Variants in KALRN observed in about 807,000 individuals in gnomAD.
KALRN encodes the protein kalirin RhoGEF kinase.
Under a neutral mutation model 353.7 loss-of-function variants are expected in KALRN, and 70 were observed. The observed-to-expected ratio is 0.20, with a 90% confidence interval of 0.16 to 0.24. The LOEUF (loss-of-function observed/expected upper bound fraction) is 0.24, where lower values mean the gene tolerates loss of function less well. KALRN is among the 10% of genes least tolerant of loss of function. The probability of loss-of-function intolerance (pLI) is 1.00; values close to 1 mark genes in which losing one functional copy is unlikely to be tolerated. For synonymous variants in KALRN, 1,391 were observed against 1,434.8 expected (o/e 0.97, Z 0.69); for missense variants, 2,791 against 3,756.7 (o/e 0.74, Z 6.72).
chr3:124,141,493 C>T (rs1683360137), intron 1 of KALRN, among the ~76,000 whole-genome samples: 1 of 152,176 alleles, frequency 6.6e-6, no homozygotes, highest in Admixed American at 6.5e-5. Context: ...CCTGTCCTCC[C>T]CCTGAATCCT....
chr3:124,253,743 G>A (rs569168216), intron 3 of KALRN, among the ~76,000 whole-genome samples: 2 of 152,286 alleles, frequency 1.3e-5, no homozygotes, highest in South Asian at 4.1e-4. Context: ...CACAGCCCAA[G>A]CACTAGGGAT....
rs537368670 is a variant in KALRN at position 124,644,680 on chromosome 3, T to C, written c.5665-6128T>C. 5.9e-5 allele frequency among the ~76,000 whole-genome samples: 9 copies of C among 152,388 alleles called. No individual in the cohort carries two copies. The East Asian group carries it at 1.7e-3, about 29-fold the overall frequency. Reference sequence around the variant, plus strand: ...CTCATCCTTTTTTACAACTGCATAGTATTCCATGGTGTATATGTGCCACAT... The same window carrying C: ...CTCATCCTTTTTTACAACTGCATAGCATTCCATGGTGTATATGTGCCACAT... On this transcript the variant is annotated intron_variant, in intron 37 of 59. Transcript: ENST00000682506.
chr3:124,246,487 T>G (rs557650506), intron 3 of KALRN, among the ~76,000 whole-genome samples: 2 of 152,248 alleles, frequency 1.3e-5, no homozygotes, highest in African/African-American at 2.4e-5. Context: ...GGTGATTCTT[T>G]AGTTTTGCCT....
chr3:124,326,272 C>T, intron 7 of KALRN, 101 bp downstream of exon 7: 1 of 916,046 alleles, frequency 1.1e-6, no homozygotes, highest in Non-Finnish European at 1.6e-6. Flanking sequence ...TAGGGAGCTC[C>T]ACCTGTCTTT....
At chr3:124,416,490 G>A (rs1283180187) in intron 14 of KALRN, among the ~76,000 whole-genome samples, 1 of 152,238 alleles carries the variant, frequency 6.6e-6, no homozygotes, top group Non-Finnish European at 1.5e-5. Flanking sequence ...ACTGAGGCTG[G>A]CTGTTCTCCT....
chr3:124,464,681 C>A (rs1358821688), intron 25 of KALRN, among the ~76,000 whole-genome samples: 2 of 152,078 alleles, frequency 1.3e-5, no homozygotes, highest in African/African-American at 4.8e-5. Context: ...AAGTTCTTGT[C>A]TTTTCATAGA....
intron 33 of KALRN, chr3:124,518,575 G>GT: frequency 6.2e-7 from 1 of 1,602,748 alleles, no homozygotes; most frequent in South Asian, 1.1e-5. Context: ...GGCAGGGCTG[G>GT]TGTGGGGTGC....
rs532039845 is a variant in KALRN at position 124,720,747 on chromosome 3, T to G, written c.*1277T>G. 1 of 152,368 alleles carries G rather than the reference T, an allele frequency of 6.6e-6. No homozygotes were observed. Among genetic ancestry groups the G allele is most frequent in the East Asian group, 1.9e-4 (1 of 5,192 alleles). The allele number at this position is 152,368 out of a possible 1,614,324, so 9.4% of individuals were successfully genotyped here. On this transcript the variant is annotated 3_prime_UTR_variant, in exon 60 of 60. Transcript: ENST00000682506. The stretch of plus-strand genomic sequence containing the variant: ...GCTGCTTTCTGGTGTATATTCTCCA[T>G]ACAAGATTATTATTAACTGCTCTTT...
chr3:124,592,627 G>A (rs529029177), intron 34 of KALRN, among the ~76,000 whole-genome samples: 7 of 152,180 alleles, frequency 4.6e-5, no homozygotes, highest in East Asian at 1.9e-4. Context: ...AATCATAACC[G>A]GCTGCCCTCA....
chr3:124,430,537 C>T (rs1274849477), intron 15 of KALRN, 119 bp from the exon 16 acceptor site: 4 of 1,222,660 alleles, frequency 3.3e-6, no homozygotes, highest in East Asian at 4.9e-5. Flanking sequence ...TTGCTGTCCT[C>T]TCTCCAACAG....
chr3:124,579,306 G>C (rs1300295404), intron 34 of KALRN, among the ~76,000 whole-genome samples: 1 of 152,176 alleles, frequency 6.6e-6, no homozygotes, highest in Non-Finnish European at 1.5e-5. Flanking sequence ...TTGGAAATGA[G>C]GGTGGGACAT....
At chr3:124,643,295 G>A (rs1054711584) in intron 37 of KALRN, among the ~76,000 whole-genome samples, 2 of 152,024 alleles carry the variant, frequency 1.3e-5, no homozygotes, top group African/African-American at 4.8e-5. Context: ...TTGCAGGTGT[G>A]AGCCACCATG....
chr3:124,062,305 T>C (rs919858097), intron 1 of KALRN, among the ~76,000 whole-genome samples: 2 of 152,230 alleles, frequency 1.3e-5, no homozygotes, highest in Non-Finnish European at 2.9e-5. Context: ...CTATCTTAGT[T>C]CTATGGTTTA....
chr3:124,107,598 G>A (rs1324482728), intron 1 of KALRN, among the ~76,000 whole-genome samples: 1 of 152,120 alleles, frequency 6.6e-6, no homozygotes, highest in East Asian at 1.9e-4. Context: ...TGCCTGGGAA[G>A]GAATAAATAA....
chr3:124,677,721 C>G, intron 49 of KALRN: 2 of 412,734 alleles, frequency 4.8e-6, no homozygotes, highest in East Asian at 1.4e-4. Flanking sequence ...AGGTAGAACT[C>G]TCAATGTCAT....
At position 124,496,008 on chromosome 3, in the gene KALRN, TATATACAC is replaced by T. The variant is rs1561137768; in HGVS notation, c.4833-301_4833-294del. Among the ~76,000 whole-genome samples the T allele has an allele frequency of 1.8e-3, 110 of 60,590 alleles. 14 individuals are homozygous for T. The highest frequency in any genetic ancestry group is 3.8e-3 in the Admixed American group (19 of 5,066). The allele number at this position is 60,590 out of a possible 152,430, so 39.7% of individuals were successfully genotyped here. ...ATATATATATATATATATATATATA[TATATACAC>T]ACACATATATACATACATACACCCC... On this transcript the variant is annotated intron_variant, in intron 32 of 59. Coordinates refer to ENST00000682506, the MANE Select transcript of KALRN (RefSeq NM_001388419.1).
Position 124,462,619 on chromosome 3 carries a change from C to A in KALRN, c.4017C>A (p.Tyr1339Ter). 6.2e-7 allele frequency: 1 copy of A among 1,601,274 alleles called. No homozygotes were observed. The highest frequency in any genetic ancestry group is 8.6e-7 in the Non-Finnish European group (1 of 1,168,516). Residue 1339 changes from tyrosine (Y) to a stop codon, truncating the protein, a stop_gained, in exon 25 of 60, where the codon TAC becomes TAA. Transcript: ENST00000682506. LOFTEE classifies it high-confidence loss of function. ...HIIFGNIQEI[Y>*]DFHNNIFLKE... ...TCTTTGGCAACATCCAAGAGATCTA[C>A]GATTTCCATAACAAGTAGGTTTGTG... is the stretch of plus-strand genomic sequence containing the variant.
intron 13 of KALRN, among the ~76,000 whole-genome samples, chr3:124,410,662 A>G (rs1004513085): frequency 6.6e-6 from 1 of 152,194 alleles, no homozygotes; most frequent in Admixed American, 6.5e-5. Context: ...CACACCCACT[A>G]GCATGGTTAA....
At chr3:124,405,650 T>G (rs934605750) in intron 13 of KALRN, among the ~76,000 whole-genome samples, 3 of 144,962 alleles carry the variant, frequency 2.1e-5, no homozygotes, top group African/African-American at 5.1e-5. Flanking sequence ...TTTTTTTTTT[T>G]TTTTTTTTTT....
Sources: allele counts gnomAD v4.1 joint callset (sites outside exome capture counted in the v4.1 genomes callset), GRCh38; gene constraint gnomAD v4.1.1; transcripts MANE v1.5; gene names NCBI Gene and HGNC (gene_info 2026-07-23, HGNC 2026-07-21).